The following RBFOX1 variants were observed in gnomAD, a reference collection of about 807,000 sequenced individuals.
The protein encoded by RBFOX1 is RNA binding protein fox-1 homolog 1.
In RBFOX1, 8 loss-of-function variants were observed where a neutral mutation model predicts 57.7. That is an observed-to-expected ratio of 0.14 (90% CI 0.08 to 0.25). The LOEUF (loss-of-function observed/expected upper bound fraction) is 0.25, where lower values mean the gene tolerates loss of function less well. Among genes scored for constraint, RBFOX1 ranks in the 10% least tolerant of loss-of-function variants. The pLI is 1.00. For missense variants in RBFOX1, 611 were observed against 548.5 expected, an observed-to-expected ratio of 1.11 and a Z score of -1.14; for synonymous variants, 326 against 222.4, an observed-to-expected ratio of 1.47 and a Z score of -4.15.
At chr16:6,574,249 C>T (rs962644088) in intron 2 of RBFOX1, among the ~76,000 whole-genome samples, 2 of 151,906 alleles carry the variant, frequency 1.3e-5, no homozygotes, top group Non-Finnish European at 2.9e-5. Context: ...TACGGCTTAA[C>T]TGAGGTAACA....
chr16:5,671,493 A>G (rs552035660), intron 3 of RBFOX1, among the ~76,000 whole-genome samples: 29 of 152,368 alleles, frequency 1.9e-4, no homozygotes, highest in Middle Eastern at 3.4e-3. Flanking sequence ...GTTGGCATTC[A>G]GGAAATTCAG....
intron 2 of RBFOX1, among the ~76,000 whole-genome samples, chr16:6,618,962 A>T (rs959422219): frequency 1.3e-5 from 2 of 152,186 alleles, no homozygotes; most frequent in African/African-American, 4.8e-5. Flanking sequence ...AGAATGCAAA[A>T]GGGTTATTTA....
intron 3 of RBFOX1, among the ~76,000 whole-genome samples, chr16:5,657,727 C>CTTTT (rs1596620877): frequency 2.1e-5 from 1 of 47,072 alleles, no homozygotes; most frequent in Non-Finnish European, 5.6e-5. Context: ...TCTTTTGTTT[C>CTTTT]TTTTCTTTTC....
At chr16:6,677,652 A>G (rs954356905) in intron 3 of RBFOX1, among the ~76,000 whole-genome samples, 17 of 152,200 alleles carry the variant, frequency 1.1e-4, no homozygotes, top group Admixed American at 3.3e-4. Context: ...ATTAGGGAAC[A>G]AGTTTGGGCT....
chr16:7,284,307 A>C (rs1049954871), intron 4 of RBFOX1, among the ~76,000 whole-genome samples: 1 of 152,240 alleles, frequency 6.6e-6, no homozygotes. Context: ...GTGTTGCTGG[A>C]TTGAGAAGTA....
intron 1 of RBFOX1, among the ~76,000 whole-genome samples, chr16:6,203,823 A>G (rs915388801): frequency 2.0e-5 from 3 of 152,094 alleles, no homozygotes; most frequent in African/African-American, 7.2e-5. Flanking sequence ...ATAGAAATAC[A>G]TCTGATGCAG....
intron 3 of RBFOX1, among the ~76,000 whole-genome samples, chr16:5,790,357 T>C (rs1458684195): frequency 6.6e-6 from 1 of 152,098 alleles, no homozygotes; most frequent in Non-Finnish European, 1.5e-5. Flanking sequence ...TTTTCCATTG[T>C]CCAAGGTGCA....
At chr16:6,556,743 A>G (rs962007115) in intron 2 of RBFOX1, among the ~76,000 whole-genome samples, 17 of 152,180 alleles carry the variant, frequency 1.1e-4, no homozygotes, top group Non-Finnish European at 2.4e-4. Flanking sequence ...ATTTAAAAGA[A>G]AAAGTGGCAG....
intron 3 of RBFOX1, among the ~76,000 whole-genome samples, chr16:5,845,158 G>C (rs547947037): frequency 6.6e-6 from 1 of 151,820 alleles, no homozygotes; most frequent in African/African-American, 2.4e-5. Context: ...TGATGAAGCA[G>C]GGTAACAGGA....
chr16:6,871,001 A>T (rs116432423), intron 3 of RBFOX1, among the ~76,000 whole-genome samples: 1 of 152,234 alleles, frequency 6.6e-6, no homozygotes, highest in Non-Finnish European at 1.5e-5. Context: ...TCCAGTGAAT[A>T]ACAGATGCTC....
chr16:7,468,357 C>T (rs894634307), intron 4 of RBFOX1, among the ~76,000 whole-genome samples: 1 of 152,092 alleles, frequency 6.6e-6, no homozygotes, highest in African/African-American at 2.4e-5. Context: ...CTGCGTGTAT[C>T]CCGATTAGAT....
At chr16:7,050,904 G>T (rs981073471) in intron 3 of RBFOX1, among the ~76,000 whole-genome samples, 3 of 151,968 alleles carry the variant, frequency 2.0e-5, no homozygotes, top group Non-Finnish European at 4.4e-5. Context: ...GGGTAAAAGG[G>T]CATAGAAAAG....
intron 3 of RBFOX1, among the ~76,000 whole-genome samples, chr16:6,992,255 C>G (rs1596332244): frequency 1.3e-5 from 2 of 151,964 alleles, no homozygotes; most frequent in Admixed American, 1.3e-4. Context: ...CCTCTGCCTC[C>G]CGGATTCAAG....
intron 2 of RBFOX1, among the ~76,000 whole-genome samples, chr16:6,493,505 A>T (rs1313726320): frequency 6.6e-6 from 1 of 152,100 alleles, no homozygotes; most frequent in Non-Finnish European, 1.5e-5. Context: ...TTTTTTATTC[A>T]TCTGTGGGTC....
At chr16:5,646,137 C>A (rs556434372) in intron 3 of RBFOX1, among the ~76,000 whole-genome samples, 1 of 151,364 alleles carries the variant, frequency 6.6e-6, no homozygotes, top group East Asian at 1.9e-4. Flanking sequence ...TTACACTATT[C>A]TGCTGCCTCA....
intron 4 of RBFOX1, among the ~76,000 whole-genome samples, chr16:5,927,259 A>C (rs994279604): frequency 6.6e-6 from 1 of 152,244 alleles, no homozygotes; most frequent in Non-Finnish European, 1.5e-5. Flanking sequence ...TAAAAAGGAG[A>C]TACAAAAATA....
At chr16:5,461,311 G>A (rs560205873) in intron 1 of RBFOX1, among the ~76,000 whole-genome samples, 34 of 152,242 alleles carry the variant, frequency 2.2e-4, no homozygotes, top group South Asian at 4.1e-4. Flanking sequence ...GATCTGCCCC[G>A]CACTCTGCCG....
intron 3 of RBFOX1, among the ~76,000 whole-genome samples, chr16:5,662,942 A>G (rs768892820): frequency 2.6e-5 from 4 of 152,218 alleles, no homozygotes; most frequent in South Asian, 2.1e-4. Flanking sequence ...CACATAGTAG[A>G]CGCTCAGTGC....
chr16:7,376,904 C>T lies in RBFOX1; in HGVS notation c.28-141243C>T, dbSNP rs990309797. The stretch of plus-strand genomic sequence containing the variant: ...GTGTCTGGATTTCCTAGGAGGTACC[C>T]AGTGCATAGACCCATGTTGTATGAA... On this transcript the variant is annotated intron_variant, in intron 4 of 15. Transcript: ENST00000550418. Among the ~76,000 whole-genome samples, 29 of 152,036 alleles carry T rather than the reference C, an allele frequency of 1.9e-4. 1 individual carries two copies. The highest frequency in any genetic ancestry group is 6.8e-4 in the African/African-American group (28 of 41,390).
Sources: gnomAD v4.1 joint callset for allele counts (sites outside exome capture counted in the v4.1 genomes callset) on GRCh38, gnomAD v4.1.1 for gene constraint, MANE v1.5 for transcripts, NCBI Gene and HGNC (gene_info 2026-07-23, HGNC 2026-07-21) for gene names.